The following ZNRF3 variants were observed in gnomAD, a reference collection of about 807,000 sequenced individuals.
ZNRF3 encodes the protein zinc and ring finger 3.
A neutral mutation model predicts 72.5 loss-of-function variants in ZNRF3; 23 were observed. That is an observed-to-expected ratio of 0.32 (90% CI 0.23 to 0.45). The LOEUF (loss-of-function observed/expected upper bound fraction) is 0.45, where lower values mean the gene tolerates loss of function less well. ZNRF3 is among the 20% of genes least tolerant of loss of function. The pLI is 1.00. For missense variants in ZNRF3, 1,169 were observed against 1,272.1 expected, an observed-to-expected ratio of 0.92 and a Z score of 1.23; for synonymous variants, 610 against 545.3, an observed-to-expected ratio of 1.12 and a Z score of -1.65.
At chr22:28,902,001 A>C (rs1601538676) in intron 1 of ZNRF3, among the ~76,000 whole-genome samples, 1 of 137,352 alleles carries the variant, frequency 7.3e-6, no homozygotes, top group South Asian at 2.3e-4. Context: ...CAGTGGCATG[A>C]TCTTGGCTCA....
chr22:29,002,933 A>G lies in ZNRF3; in HGVS notation c.426+15732A>G, dbSNP rs536809915. ...CTAACTAGACCAGAGACCATTTCCC[A>G]TGTTCTTTTTCATAACACCAGAAGC... is the stretch of plus-strand genomic sequence containing the variant. On this transcript the variant is annotated intron_variant, in intron 2 of 8. Coordinates refer to ENST00000544604, the MANE Select transcript of ZNRF3 (RefSeq NM_001206998.2). Among the ~76,000 whole-genome samples, 9 of 152,300 alleles carry G rather than the reference A, an allele frequency of 5.9e-5. No homozygotes were observed. The East Asian group carries it at 1.7e-3, about 29-fold the overall frequency.
intron 1 of ZNRF3, among the ~76,000 whole-genome samples, chr22:28,892,805 A>G (rs1340140964): frequency 1.3e-5 from 2 of 152,188 alleles, no homozygotes; most frequent in Non-Finnish European, 2.9e-5. Context: ...GTTTGATCCT[A>G]GAATTTTGAT....
rs534536499 is a variant in ZNRF3 at position 28,900,946 on chromosome 22, A to AT, written c.300+16888dup. Among the ~76,000 whole-genome samples the AT allele has an allele frequency of 2.6e-3, 400 of 151,904 alleles. 1 individual carries two copies. The highest frequency in any genetic ancestry group is 7.6e-3 in the African/African-American group (314 of 41,420). On this transcript the variant is annotated intron_variant, in intron 1 of 8. Coordinates refer to ENST00000544604, the MANE Select transcript of ZNRF3 (RefSeq NM_001206998.2). ...CATAGCGAGACTGTTCCTACAACAA[A>AT]TTTTTTTTAAAAAAATTAGCCAGGT...
At chr22:28,926,849 C>T (rs553416936) in intron 1 of ZNRF3, among the ~76,000 whole-genome samples, 9 of 150,050 alleles carry the variant, frequency 6.0e-5, no homozygotes, top group African/African-American at 1.2e-4. Context: ...TGGCTGGGCG[C>T]GGTAGCTCAC....
chr22:28,906,451 C>G (rs2034209932), intron 1 of ZNRF3, among the ~76,000 whole-genome samples: 1 of 152,194 alleles, frequency 6.6e-6, no homozygotes, highest in African/African-American at 2.4e-5. Context: ...CCAGATAGGC[C>G]TGTGTTTTGC....
Position 29,048,441 on chromosome 22 carries a change from C to T in ZNRF3, c.965C>T (p.Pro322Leu). The change falls in exon 7 of 9, where the codon CCC (proline) becomes CTC (leucine). Residue 322 changes from proline to leucine, a missense_variant. Pro to Leu is a moderately conservative substitution (Grantham distance 98). Transcript: ENST00000544604. The surrounding 1 kb of genome is among the most constrained non-coding windows in gnomAD (Gnocchi z 4.9). ...CGGTTTCACAGGAAGTGCGTGGACC[C>T]CTGGCTGCTGCAGCACCACACCTGC... ...THRFHRKCVD[P>L]WLLQHHTCPH... 4 of 1,614,190 alleles carry T rather than the reference C, an allele frequency of 2.5e-6. No homozygotes were observed. The highest frequency in any genetic ancestry group is 2.5e-6 in the Non-Finnish European group (3 of 1,180,028).
rs1473344335 is a variant in ZNRF3, at chr22:29,046,902, C to G, written c.912+19C>G. Reference sequence around the variant, plus strand: ...TGGAGAGGTAATGGCAGAAGCAGGCCCGTCCTGGGTGGGGAAAACATAGGC... The same window carrying G: ...TGGAGAGGTAATGGCAGAAGCAGGCGCGTCCTGGGTGGGGAAAACATAGGC... On this transcript the variant is annotated intron_variant, in intron 6 of 8. Coordinates refer to ENST00000544604, the MANE Select transcript of ZNRF3 (RefSeq NM_001206998.2). 1 of 1,519,040 alleles carries G rather than the reference C, an allele frequency of 6.6e-7. No individual in the cohort carries two copies. The highest frequency in any genetic ancestry group is 8.9e-7 in the Non-Finnish European group (1 of 1,126,262). The allele number at this position is 1,519,040 out of a possible 1,614,324, so 94.1% of individuals were successfully genotyped here. A position where few individuals can be genotyped will look rare whatever the true frequency, so the allele number is the denominator to read the frequency against.
chr22:29,019,337 C>G (rs2036489276), intron 2 of ZNRF3, among the ~76,000 whole-genome samples: 1 of 152,138 alleles, frequency 6.6e-6, no homozygotes. Flanking sequence ...TGTCTTGTAA[C>G]ACTTGGCAGG....
chr22:28,954,109 T>C (rs750689255), intron 1 of ZNRF3, among the ~76,000 whole-genome samples: 2 of 152,194 alleles, frequency 1.3e-5, no homozygotes, highest in Non-Finnish European at 2.9e-5. Context: ...CTTAGGACCT[T>C]CACAGTTTCT....
intron 2 of ZNRF3, among the ~76,000 whole-genome samples, chr22:29,020,776 GGTGTGTGTGT>G (rs3037492): frequency 8.1e-5 from 7 of 86,040 alleles, no homozygotes; most frequent in South Asian, 4.4e-4. Context: ...TGTGTGTGTG[GGTGTGTGTGT>G]GTGTGTGTGT....
At chr22:29,051,285 C>G (rs145972271) in intron 8 of ZNRF3, among the ~76,000 whole-genome samples, 16 of 152,182 alleles carry the variant, frequency 1.1e-4, no homozygotes, top group African/African-American at 3.6e-4. Context: ...TGCCTCTAAT[C>G]TTGGCTCACC....
In ZNRF3 at chr22:29,020,767, G is replaced by T. The variant is rs1343428630; in HGVS notation, c.427-21728G>T. Among the ~76,000 whole-genome samples, 358 of 63,918 alleles carry T rather than the reference G, an allele frequency of 5.6e-3. 5 individuals are homozygous for T. In the East Asian group the frequency reaches 0.085, roughly 15 times the overall value. 41.9% of individuals were successfully genotyped at this position (63,918 alleles called of 152,430 possible). Reference sequence around the variant, plus strand: ...TCATTGAGAGGGGCTTTGTTTTTGTGTGTGTGTGGGTGTGTGTGTGTGTGT... The same window carrying T: ...TCATTGAGAGGGGCTTTGTTTTTGTTTGTGTGTGGGTGTGTGTGTGTGTGT... On this transcript the variant is annotated intron_variant, in intron 2 of 8. Transcript: ENST00000544604.
At chr22:28,987,020 A>T (rs1018947152) in intron 1 of ZNRF3, 56 bp from the exon 2 acceptor site, 2 of 1,573,914 alleles carry the variant, frequency 1.3e-6, no homozygotes, top group Non-Finnish European at 1.7e-6. Context: ...ACACAATATG[A>T]GTCAAGCAAA....
intron 1 of ZNRF3, among the ~76,000 whole-genome samples, chr22:28,932,322 A>G (rs545027640): frequency 6.6e-6 from 1 of 152,228 alleles, no homozygotes; most frequent in South Asian, 2.1e-4. Flanking sequence ...AAAAAAAAAA[A>G]TCTTAACTTT....
chr22:29,053,423 G>C (rs886924463), intron 8 of ZNRF3, among the ~76,000 whole-genome samples, 156 bp from the exon 9 acceptor site: 2 of 152,168 alleles, frequency 1.3e-5, no homozygotes, highest in Non-Finnish European at 2.9e-5. Context: ...TGTGCTCTCA[G>C]CACAAATGGA....
At position 29,049,584 on chromosome 22, in the gene ZNRF3, T is replaced by A. The variant is rs1237940007; in HGVS notation, c.1403T>A (p.Met468Lys). The A allele has an allele frequency of 6.2e-7, 1 of 1,607,626 alleles. No homozygotes were observed. Among genetic ancestry groups the A allele is most frequent in the African/African-American group, 1.3e-5 (1 of 74,868 alleles). The change falls in exon 8 of 9, where the codon ATG becomes AAG. Residue 468 changes from methionine to lysine, a missense_variant. By Grantham distance (95) the Met-to-Lys change is moderately conservative (BLOSUM62 -1). This residue lies in a region of ZNRF3 where 783 missense variants were observed against 731.4 expected (regional missense o/e 1.07). Coordinates refer to ENST00000544604, the MANE Select transcript of ZNRF3 (RefSeq NM_001206998.2). This position sits in a 1 kb window ranked among gnomAD's most constrained non-coding sequence, Gnocchi z 5.2. Reference protein sequence around the residue: ...KAACFSQYETMYQHYYFQGLS... With the variant: ...KAACFSQYETKYQHYYFQGLS... ...GCTTGCTTCTCCCAGTATGAGACCA[T>A]GTACCAGCACTACTACTTCCAGGGC... is the stretch of plus-strand genomic sequence containing the variant.
intron 2 of ZNRF3, among the ~76,000 whole-genome samples, chr22:29,001,297 A>G (rs188429511): frequency 1.7e-3 from 249 of 150,820 alleles, no homozygotes; most frequent in African/African-American, 5.6e-3. Context: ...AGCTTTACCT[A>G]TTTTTTTAAT....
chr22:28,924,867 G>A (rs1601564196), intron 1 of ZNRF3, among the ~76,000 whole-genome samples: 1 of 152,320 alleles, frequency 6.6e-6, no homozygotes, highest in East Asian at 1.9e-4. Flanking sequence ...GCCCAAGGCT[G>A]GTAGTCAGAT....
chr22:29,016,379 G>C (rs1320907954), intron 2 of ZNRF3, among the ~76,000 whole-genome samples: 2 of 152,136 alleles, frequency 1.3e-5, no homozygotes, highest in East Asian at 3.9e-4. Context: ...GGGGCAGGGG[G>C]TGGGAGCTCT....
Sources: allele counts gnomAD v4.1 joint callset (sites outside exome capture counted in the v4.1 genomes callset), GRCh38; gene constraint gnomAD v4.1.1; regional missense constraint gnomAD v4.1.1; non-coding constraint Gnocchi (gnomAD v3.1); transcripts MANE v1.5; gene names NCBI Gene and HGNC (gene_info 2026-07-23, HGNC 2026-07-21).